The following GLIS3 variants were observed in gnomAD, a reference collection of about 807,000 sequenced individuals.
GLIS3 encodes zinc finger protein GLIS3.
A neutral mutation model predicts 78.6 loss-of-function variants in GLIS3; 53 were observed. That is an observed-to-expected ratio of 0.67 (90% CI 0.54 to 0.85). The LOEUF (loss-of-function observed/expected upper bound fraction) is 0.85, where lower values mean the gene tolerates loss of function less well. Ranked by LOEUF, GLIS3 falls within the 40% of genes least tolerant of loss-of-function variation. GLIS3 has a pLI of 0.00. For synonymous variants in GLIS3, 684 were observed against 509.9 expected, an observed-to-expected ratio of 1.34 and a Z score of -4.60; for missense variants, 1,703 against 1,231.1, an observed-to-expected ratio of 1.38 and a Z score of -5.74.
rs1563759376 is a variant in GLIS3, at chr9:3,834,331, A to ACCCTCTAGGGCCATGGAC, written c.2474-4840_2474-4839insGTCCATGGCCCTAGAGGG. On this transcript the variant is annotated intron_variant, in intron 9 of 10. Coordinates refer to ENST00000381971, the MANE Select transcript of GLIS3 (RefSeq NM_001042413.2). ...TGAGTAAATATGATAATAGAAGGAT[A>ACCCTCTAGGGCCATGGAC]CCCTCTAGGGCCATGCTGTCCAAGA... Among the ~76,000 whole-genome samples, 9 of 152,266 alleles carry ACCCTCTAGGGCCATGGAC rather than the reference A, an allele frequency of 5.9e-5. No individual in the cohort carries two copies. The South Asian group carries it at 1.7e-3, about 28-fold the overall frequency.
the GLIS3 span, among the ~76,000 whole-genome samples, chr9:4,453,926 A>G: frequency 6.6e-6 from 1 of 152,106 alleles, no homozygotes; most frequent in Non-Finnish European, 1.5e-5. Flanking sequence ...CAGCAAACCA[A>G]CATGGCACAT....
intron 4 of GLIS3, among the ~76,000 whole-genome samples, chr9:4,076,231 A>T (rs969251444): frequency 3.9e-5 from 6 of 152,242 alleles, no homozygotes; most frequent in African/African-American, 1.4e-4. Flanking sequence ...AAGAACTATA[A>T]TCTCCATGTG....
chr9:4,433,655 A>T, the GLIS3 span, among the ~76,000 whole-genome samples: 2 of 152,216 alleles, frequency 1.3e-5, no homozygotes, highest in African/African-American at 4.8e-5. Flanking sequence ...TCGTTTCTAG[A>T]TCCCTAAAAA....
chr9:3,953,881 G>C (rs745504546), intron 4 of GLIS3, among the ~76,000 whole-genome samples: 7 of 149,090 alleles, frequency 4.7e-5, no homozygotes, highest in African/African-American at 1.5e-4. Context: ...GCACACACAT[G>C]CATTTGCTGA....
intron 2 of GLIS3, among the ~76,000 whole-genome samples, chr9:4,183,688 A>G (rs1021566262): frequency 6.6e-6 from 1 of 152,220 alleles, no homozygotes; most frequent in Non-Finnish European, 1.5e-5. Context: ...AGTACATCTT[A>G]CAAAATTTAA....
intron 4 of GLIS3, among the ~76,000 whole-genome samples, chr9:4,069,850 C>G (rs1478016926): frequency 6.6e-6 from 1 of 151,990 alleles, no homozygotes; most frequent in Non-Finnish European, 1.5e-5. Context: ...TCCAAGGACA[C>G]TATGCCTTCT....
At chr9:4,201,415 G>C (rs754945232) in intron 2 of GLIS3, among the ~76,000 whole-genome samples, 23 of 152,118 alleles carry the variant, frequency 1.5e-4, no homozygotes, top group Non-Finnish European at 2.9e-4. Context: ...TGGAAAATCT[G>C]ATTCTATACC....
Position 4,151,821 on chromosome 9 carries a change from C to T in GLIS3, c.389-25880G>A, listed in dbSNP as rs114051293. ...AATCATCTGTTCCTAGTTAAACATA[C>T]TCATACCTTCCACAGCAGGAGAGAA... On this transcript the variant is annotated intron_variant, in intron 2 of 10. Coordinates refer to ENST00000381971, the MANE Select transcript of GLIS3 (RefSeq NM_001042413.2). Among the ~76,000 whole-genome samples, 516 of 152,304 alleles carry T rather than the reference C, an allele frequency of 3.4e-3. 4 individuals are homozygous for T. Among genetic ancestry groups the T allele is most frequent in the African/African-American group, 0.012 (489 of 41,556 alleles).
the GLIS3 span, among the ~76,000 whole-genome samples, chr9:4,429,314 T>C: frequency 6.6e-6 from 1 of 152,072 alleles, no homozygotes; most frequent in African/African-American, 2.4e-5. Flanking sequence ...CTCTCCAGCC[T>C]CATGCCCCCA....
At chr9:4,105,700 G>A (rs912249324) in intron 4 of GLIS3, among the ~76,000 whole-genome samples, 6 of 152,054 alleles carry the variant, frequency 3.9e-5, no homozygotes, top group Non-Finnish European at 7.4e-5. Context: ...TGTTTGTTTT[G>A]ATTTACTATC....
intron 2 of GLIS3, among the ~76,000 whole-genome samples, chr9:4,275,395 T>C (rs770162358): frequency 2.0e-4 from 31 of 152,156 alleles, no homozygotes; most frequent in Non-Finnish European, 4.4e-4. Context: ...GAGAAAGATT[T>C]CTCTGAACTC....
chr9:4,270,786 C>G lies in GLIS3; in HGVS notation c.388+15252G>C, dbSNP rs1211917963. 2.6e-5 allele frequency among the ~76,000 whole-genome samples: 4 copies of G among 152,164 alleles called. No individual in the cohort carries two copies. In the East Asian group the frequency reaches 5.8e-4, roughly 22 times the overall value. On this transcript the variant is annotated intron_variant, in intron 2 of 10. Transcript: ENST00000381971. ...GGCTGGAACGATACCAATGGCTCTC[C>G]CAGGTCTCCAGCTTGCTGACTGCAG...
intron 4 of GLIS3, among the ~76,000 whole-genome samples, chr9:3,997,176 G>A (rs992083779): frequency 1.6e-4 from 24 of 151,954 alleles, no homozygotes; most frequent in Non-Finnish European, 2.6e-4. Flanking sequence ...GAAAAACCCC[G>A]TCTCTACTAA....
chr9:4,327,380 T>A (rs1171868538), intron 2 of GLIS3, among the ~76,000 whole-genome samples: 2 of 151,894 alleles, frequency 1.3e-5, no homozygotes, highest in East Asian at 1.9e-4. Flanking sequence ...GTGATCCAGT[T>A]TGAGCTTTGG....
chr9:4,219,840 G>A (rs1340779967), intron 2 of GLIS3, among the ~76,000 whole-genome samples: 9 of 152,128 alleles, frequency 5.9e-5, no homozygotes, highest in African/African-American at 1.9e-4. Context: ...TATTTCCTAG[G>A]TCTCCCTGCT....
At chr9:3,982,274 T>G (rs922757360) in intron 4 of GLIS3, among the ~76,000 whole-genome samples, 1 of 151,872 alleles carries the variant, frequency 6.6e-6, no homozygotes, top group Non-Finnish European at 1.5e-5. Flanking sequence ...CTACACTGCC[T>G]CTTATTGTCT....
the GLIS3 span, among the ~76,000 whole-genome samples, chr9:4,404,971 TAACCAGAGTA>T: frequency 6.6e-6 from 1 of 152,078 alleles, no homozygotes; most frequent in Non-Finnish European, 1.5e-5. Flanking sequence ...GATGAACCTT[TAACCAGAGTA>T]ACTAGGAAAA....
At chr9:4,400,319 G>A in the GLIS3 span, among the ~76,000 whole-genome samples, 5 of 152,204 alleles carry the variant, frequency 3.3e-5, no homozygotes, top group Admixed American at 6.5e-5. Flanking sequence ...CCTGAACTGG[G>A]ATAAAAGCAG....
At chr9:4,345,786 G>T (rs1023505002) in intron 2 of GLIS3, among the ~76,000 whole-genome samples, 2 of 152,214 alleles carry the variant, frequency 1.3e-5, no homozygotes, top group Non-Finnish European at 2.9e-5. Context: ...AAAGCAAAAA[G>T]AGCTGAAAGT....
Sources: gnomAD v4.1 joint callset for allele counts (sites outside exome capture counted in the v4.1 genomes callset) on GRCh38, gnomAD v4.1.1 for gene constraint, MANE v1.5 for transcripts, NCBI Gene and HGNC (gene_info 2026-07-23, HGNC 2026-07-21) for gene names.